The following GOLGA1 variants were observed in gnomAD, a reference collection of about 807,000 sequenced individuals.
GOLGA1 encodes golgin A1, also known as golgin subfamily A member 1.
Under a neutral mutation model 119.7 loss-of-function variants are expected in GOLGA1, and 63 were observed. The ratio of observed to expected loss-of-function variants is 0.53; its 90% CI spans 0.43 to 0.65. The LOEUF is 0.65. Ranked by LOEUF, GOLGA1 falls within the 30% of genes least tolerant of loss-of-function variation. The pLI, the probability that GOLGA1 is intolerant of heterozygous loss-of-function variation, is 0.00. For missense variants in GOLGA1, 798 were observed against 912.8 expected (o/e 0.87, Z 1.62); for synonymous variants, 318 against 333.4 (o/e 0.95, Z 0.50).
intron 10 of GOLGA1, among the ~76,000 whole-genome samples, chr9:124,912,632 T>C (rs888016728): frequency 2.6e-5 from 4 of 152,190 alleles, no homozygotes; most frequent in Admixed American, 6.5e-5. Flanking sequence ...AACATCCACC[T>C]CCTGGGTTTA....
rs1258133596 is a variant in GOLGA1 at position 124,899,473 on chromosome 9, G to A, written c.1167C>T (p.Ala389=). ...GCACATGGCTGCTCTCCTGGTTGGCGGCAGCCTGCGGGGAGACCAAAGGAC... is the reference window on the plus strand; with the variant it reads ...GCACATGGCTGCTCTCCTGGTTGGCAGCAGCCTGCGGGGAGACCAAAGGAC... ...AQETQIQELA[A]ANQESSHVQQ... The change falls in exon 14 of 23, where the codon GCC becomes GCT. Residue 389 remains alanine, a synonymous_variant. Transcript: ENST00000373555. 1.9e-5 allele frequency: 30 copies of A among 1,545,202 alleles called. No homozygotes were observed. The highest frequency in any genetic ancestry group is 2.4e-5 in the South Asian group (2 of 84,288).
intron 12 of GOLGA1, among the ~76,000 whole-genome samples, chr9:124,905,037 T>C (rs1012567027): frequency 6.6e-6 from 1 of 150,890 alleles, no homozygotes; most frequent in Admixed American, 6.6e-5. Flanking sequence ...TTCCAGCTCT[T>C]TGGGAGGTTG....
chr9:124,934,971 C>G (rs945947772), intron 3 of GOLGA1, among the ~76,000 whole-genome samples: 11 of 152,000 alleles, frequency 7.2e-5, no homozygotes, highest in Non-Finnish European at 1.3e-4. Flanking sequence ...CGCTTGAGCC[C>G]AGGAGGTTAA....
intron 12 of GOLGA1, among the ~76,000 whole-genome samples, chr9:124,907,215 G>A (rs188842971): frequency 1.3e-5 from 2 of 152,278 alleles, no homozygotes; most frequent in African/African-American, 2.4e-5. Flanking sequence ...GAAACAATAC[G>A]TGATAAAGTT....
chr9:124,891,219 G>C (rs894091969), intron 15 of GOLGA1, among the ~76,000 whole-genome samples: 4 of 152,164 alleles, frequency 2.6e-5, no homozygotes, highest in Non-Finnish European at 5.9e-5. Context: ...AGCACTGTGG[G>C]AGGTGGGGTT....
Position 124,888,507 on chromosome 9 carries a change from C to T in GOLGA1, c.1762-111G>A, listed in dbSNP as rs1829777962. The T allele has an allele frequency of 2.2e-6, 2 of 913,170 alleles. No individual in the cohort carries two copies. Among genetic ancestry groups the T allele is most frequent in the Admixed American group, 4.3e-5 (2 of 46,268 alleles). 56.6% of individuals were successfully genotyped at this position (913,170 alleles called of 1,614,324 possible). The stretch of plus-strand genomic sequence containing the variant: ...GTCCCTTAGGTATGGGCGTTGTGCT[C>T]CAACAGGCAACTGGCCAGGAAGCAA... On this transcript the variant is annotated intron_variant, in intron 18 of 22. Coordinates refer to ENST00000373555, the MANE Select transcript of GOLGA1 (RefSeq NM_002077.4). The surrounding 1 kb of genome is among the most constrained non-coding windows in gnomAD (Gnocchi z 4.4).
At chr9:124,924,548 C>T (rs1830635281) in intron 7 of GOLGA1, among the ~76,000 whole-genome samples, 1 of 151,060 alleles carries the variant, frequency 6.6e-6, no homozygotes, top group Non-Finnish European at 1.5e-5. Context: ...GGGAGAATCA[C>T]CTGAGCCTGA....
chr9:124,892,895 G>T (rs1249980503), intron 15 of GOLGA1, among the ~76,000 whole-genome samples: 1 of 146,808 alleles, frequency 6.8e-6, no homozygotes, highest in Non-Finnish European at 1.5e-5. Context: ...TCACGCCATT[G>T]CACTCCAGCC....
intron 12 of GOLGA1, among the ~76,000 whole-genome samples, chr9:124,903,533 C>T (rs1438993381): frequency 6.6e-6 from 1 of 150,824 alleles, no homozygotes; most frequent in Non-Finnish European, 1.5e-5. Flanking sequence ...AGAACGGGGG[C>T]TCGTGCCTGC....
intron 10 of GOLGA1, among the ~76,000 whole-genome samples, chr9:124,913,103 T>C (rs998419393): frequency 2.6e-5 from 4 of 152,010 alleles, no homozygotes; most frequent in African/African-American, 7.3e-5. Context: ...GGTGGCAGGA[T>C]AGAGCAAGCG....
At chr9:124,922,565 A>G (rs1184521130) in intron 8 of GOLGA1, among the ~76,000 whole-genome samples, 2 of 151,098 alleles carry the variant, frequency 1.3e-5, no homozygotes, top group Admixed American at 1.3e-4. Flanking sequence ...AAAAAAAAAA[A>G]AAGAAAGAAA....
intron 10 of GOLGA1, among the ~76,000 whole-genome samples, chr9:124,915,532 A>G (rs1431495458): frequency 6.6e-6 from 1 of 152,092 alleles, no homozygotes; most frequent in Admixed American, 6.6e-5. Flanking sequence ...TTCTCCCAAC[A>G]TGCCTTTTTT....
At chr9:124,908,598 A>C (rs925019541) in intron 11 of GOLGA1, 126 bp from the exon 12 acceptor site, 6 of 653,218 alleles carry the variant, frequency 9.2e-6, no homozygotes, top group African/African-American at 9.0e-5. Context: ...TTAATAATTC[A>C]GCTAATTGAG....
In GOLGA1 at chr9:124,888,420, G is replaced by C; in HGVS notation, c.1762-24C>G. On this transcript the variant is annotated intron_variant, in intron 18 of 22. Transcript: ENST00000373555. This position sits in a 1 kb window ranked among gnomAD's most constrained non-coding sequence, Gnocchi z 4.4. ...ACCTACAAGGTGGCAGCAGCAAATT[G>C]AGAGCCAGGACAGGTCAGGTGAAGC... 1 of 1,612,540 alleles carries C rather than the reference G, an allele frequency of 6.2e-7. No individual in the cohort carries two copies. The highest frequency in any genetic ancestry group is 2.2e-5 in the East Asian group (1 of 44,870).
Position 124,879,107 on chromosome 9 carries a change from T to A in GOLGA1, c.*1423A>T, listed in dbSNP as rs1829513829. On this transcript the variant is annotated 3_prime_UTR_variant, in exon 23 of 23. Transcript: ENST00000373555. The stretch of plus-strand genomic sequence containing the variant: ...TAGGTTAACGTTGCAAATGCGTGTT[T>A]TTCTGTGACACATTTTATATACCTA... The A allele has an allele frequency of 6.6e-6, 1 of 152,238 alleles. No homozygotes were observed. The highest frequency in any genetic ancestry group is 1.9e-4 in the East Asian group (1 of 5,206). 9.4% of individuals were successfully genotyped at this position (152,238 alleles called of 1,614,324 possible).
intron 2 of GOLGA1, among the ~76,000 whole-genome samples, chr9:124,939,879 A>C (rs1178271543): frequency 6.6e-6 from 1 of 152,006 alleles, no homozygotes; most frequent in Admixed American, 6.6e-5. Context: ...TTCTTTTCTT[A>C]AGAATGTTTG....
At chr9:124,899,553 GA>G in intron 13 of GOLGA1, 75 bp from the exon 14 acceptor site, 1 of 1,376,532 alleles carries the variant, frequency 7.3e-7, no homozygotes. Flanking sequence ...GGCCCTAGGT[GA>G]GAAGATGAGT....
In GOLGA1 at chr9:124,881,134, A is replaced by G. The variant is rs566308997; in HGVS notation, c.2223+37T>C. 1 of 1,090,782 alleles carries G rather than the reference A, an allele frequency of 9.2e-7. No individual in the cohort carries two copies. The highest frequency in any genetic ancestry group is 1.5e-5 in the African/African-American group (1 of 65,574). The allele number at this position is 1,090,782 out of a possible 1,614,324, so 67.6% of individuals were successfully genotyped here. ...CTACTGCTGGGATAACTGACAACGT[A>G]TCTTGGAAGCTGGAACAGTAGACCA... On this transcript the variant is annotated intron_variant, in intron 22 of 22. Coordinates refer to ENST00000373555, the MANE Select transcript of GOLGA1 (RefSeq NM_002077.4). The surrounding 1 kb of genome is among the most constrained non-coding windows in gnomAD (Gnocchi z 4.9).
chr9:124,937,439 C>T (rs921458013), intron 3 of GOLGA1, among the ~76,000 whole-genome samples: 7 of 151,498 alleles, frequency 4.6e-5, no homozygotes, highest in African/African-American at 1.2e-4. Flanking sequence ...GGTGACAGAG[C>T]GAGACCCTAT....
Sources: gnomAD v4.1 joint callset for allele counts (sites outside exome capture counted in the v4.1 genomes callset) on GRCh38, gnomAD v4.1.1 for gene constraint, Gnocchi (gnomAD v3.1) non-coding constraint, MANE v1.5 for transcripts, NCBI Gene and HGNC (gene_info 2026-07-23, HGNC 2026-07-21) for gene names.